Variants in SYNDIG1 observed in about 807,000 individuals in gnomAD.
SYNDIG1 encodes the protein synapse differentiation inducing 1.
In SYNDIG1, 9 loss-of-function variants were observed where a neutral mutation model predicts 19.4. That is an observed-to-expected ratio of 0.46 (90% CI 0.28 to 0.81). The LOEUF is 0.81. Among genes scored for constraint, SYNDIG1 ranks in the 30% least tolerant of loss-of-function variants. The pLI is 0.12. For synonymous variants in SYNDIG1, 141 were observed against 145.9 expected (o/e 0.97, Z 0.24); for missense variants, 311 against 343.3 (o/e 0.91, Z 0.74).
At chr20:24,610,764 G>A (rs1411062363) in intron 3 of SYNDIG1, among the ~76,000 whole-genome samples, 2 of 152,180 alleles carry the variant, frequency 1.3e-5, no homozygotes, top group African/African-American at 4.8e-5. Context: ...TCCCTGCCTG[G>A]ACCAGGCACT....
intron 2 of SYNDIG1, among the ~76,000 whole-genome samples, chr20:24,547,071 C>T (rs1162795521): frequency 6.6e-6 from 1 of 151,892 alleles, no homozygotes; most frequent in Non-Finnish European, 1.5e-5. Context: ...TTGTTCAGGG[C>T]CCCTCCCATT....
chr20:24,516,038 A>G (rs1434370869), intron 1 of SYNDIG1, among the ~76,000 whole-genome samples: 1 of 152,190 alleles, frequency 6.6e-6, no homozygotes, highest in Non-Finnish European at 1.5e-5. Context: ...AATACCACAC[A>G]TCTACAACCA....
intron 2 of SYNDIG1, among the ~76,000 whole-genome samples, chr20:24,565,452 G>T (rs1264660313): frequency 6.6e-6 from 1 of 152,182 alleles, no homozygotes; most frequent in African/African-American, 2.4e-5. Context: ...GGGGGACGGG[G>T]CATCTGTAAC....
At chr20:24,642,543 C>G (rs1290764401) in intron 3 of SYNDIG1, among the ~76,000 whole-genome samples, 1 of 152,170 alleles carries the variant, frequency 6.6e-6, no homozygotes, top group Non-Finnish European at 1.5e-5. Context: ...TTTGTCTACC[C>G]TCCTCCATTA....
At chr20:24,592,998 T>C (rs540500842) in intron 3 of SYNDIG1, among the ~76,000 whole-genome samples, 1 of 152,134 alleles carries the variant, frequency 6.6e-6, no homozygotes, top group Non-Finnish European at 1.5e-5. Flanking sequence ...TAGGGAGAAA[T>C]CAGGAAATCC....
chr20:24,621,959 G>A (rs183798760), intron 3 of SYNDIG1, among the ~76,000 whole-genome samples: 170 of 152,302 alleles, frequency 1.1e-3, no homozygotes, highest in African/African-American at 3.9e-3. Flanking sequence ...ATTTAACTCA[G>A]TATCTTCTGC....
chr20:24,547,458 C>T (rs1317084679), intron 2 of SYNDIG1, among the ~76,000 whole-genome samples: 1 of 152,156 alleles, frequency 6.6e-6, no homozygotes, highest in Non-Finnish European at 1.5e-5. Flanking sequence ...CCTGCTCCAC[C>T]TTAAGTCGCC....
intron 3 of SYNDIG1, among the ~76,000 whole-genome samples, chr20:24,606,408 A>T (rs574713960): frequency 1.3e-5 from 2 of 152,350 alleles, no homozygotes; most frequent in African/African-American, 4.8e-5. Context: ...TCTAATAGAT[A>T]TCTAGCAGAT....
intron 1 of SYNDIG1, among the ~76,000 whole-genome samples, chr20:24,475,963 C>T (rs955641759): frequency 7.2e-5 from 11 of 151,810 alleles, no homozygotes; most frequent in African/African-American, 2.4e-4. Flanking sequence ...CGGGTTCAAG[C>T]GATTCTTCCA....
At chr20:24,627,844 G>A (rs1036364575) in intron 3 of SYNDIG1, among the ~76,000 whole-genome samples, 3 of 152,254 alleles carry the variant, frequency 2.0e-5, no homozygotes. Flanking sequence ...GCTGCCCTGG[G>A]GCAGGGCCGC....
chr20:24,559,217 A>G (rs1326328561), intron 2 of SYNDIG1, among the ~76,000 whole-genome samples: 1 of 152,250 alleles, frequency 6.6e-6, no homozygotes, highest in Non-Finnish European at 1.5e-5. Context: ...GGAGGCTGTT[A>G]TCTTGAATGA....
At chr20:24,504,799 G>T (rs1368161856) in intron 1 of SYNDIG1, among the ~76,000 whole-genome samples, 1 of 152,192 alleles carries the variant, frequency 6.6e-6, no homozygotes, top group East Asian at 1.9e-4. Context: ...AAAGCCTTTG[G>T]TCTGTGCCCC....
chr20:24,576,554 G>T (rs1170008088), intron 2 of SYNDIG1, among the ~76,000 whole-genome samples: 1 of 152,222 alleles, frequency 6.6e-6, no homozygotes, highest in African/African-American at 2.4e-5. Flanking sequence ...TCTGAGATCT[G>T]CTTTGCCCCT....
chr20:24,598,120 G>A (rs577201692), intron 3 of SYNDIG1, among the ~76,000 whole-genome samples: 7 of 152,286 alleles, frequency 4.6e-5, no homozygotes, highest in East Asian at 1.9e-4. Context: ...GCAAGCCTTC[G>A]CTGGCCACAG....
chr20:24,615,493 T>A (rs1343420831), intron 3 of SYNDIG1, among the ~76,000 whole-genome samples: 1 of 152,180 alleles, frequency 6.6e-6, no homozygotes, highest in Non-Finnish European at 1.5e-5. Flanking sequence ...CTGTGAAGAC[T>A]GTAGGGCTTT....
At chr20:24,537,836 G>T (rs1032464468) in intron 1 of SYNDIG1, among the ~76,000 whole-genome samples, 2 of 152,098 alleles carry the variant, frequency 1.3e-5, no homozygotes, top group African/African-American at 4.8e-5. Context: ...TTGACTTTCT[G>T]CTGTCATCTG....
chr20:24,530,854 G>C (rs2057243895), intron 1 of SYNDIG1, among the ~76,000 whole-genome samples: 1 of 151,594 alleles, frequency 6.6e-6, no homozygotes, highest in African/African-American at 2.4e-5. Context: ...TGTCGCCCAG[G>C]CTGGAGAGCA....
intron 1 of SYNDIG1, among the ~76,000 whole-genome samples, chr20:24,537,236 A>G (rs1360447853): frequency 6.6e-6 from 1 of 152,134 alleles, no homozygotes; most frequent in African/African-American, 2.4e-5. Flanking sequence ...TGATTTTTTC[A>G]AACCTCTCTA....
intron 2 of SYNDIG1, among the ~76,000 whole-genome samples, chr20:24,574,333 A>G (rs1431488946): frequency 6.6e-6 from 1 of 151,810 alleles, no homozygotes; most frequent in Non-Finnish European, 1.5e-5. Flanking sequence ...TAAAAAAAAA[A>G]AAAAAATTAG....
Sources: allele counts gnomAD v4.1 joint callset (sites outside exome capture counted in the v4.1 genomes callset), GRCh38; gene constraint gnomAD v4.1.1; transcripts MANE v1.5; gene names NCBI Gene and HGNC (gene_info 2026-07-23, HGNC 2026-07-21).